Variants in BRD1 observed in about 807,000 individuals in gnomAD.
BRD1 encodes the protein bromodomain-containing protein 1.
Under a neutral mutation model 107.7 loss-of-function variants are expected in BRD1, and 24 were observed. The observed-to-expected ratio is 0.22, with a 90% CI of 0.16 to 0.31. BRD1 has a LOEUF of 0.31. BRD1 is among the 10% of genes least tolerant of loss of function. The probability of loss-of-function intolerance (pLI) is 1.00; values close to 1 mark genes in which losing one functional copy is unlikely to be tolerated. For synonymous variants in BRD1, 744 were observed against 686.1 expected (o/e 1.08, Z -1.32); for missense variants, 1,279 against 1,638.6 (o/e 0.78, Z 3.79).
At position 49,773,629 on chromosome 22, in the gene BRD1, AT is replaced by A. The variant is rs1569076558; in HGVS notation, c.*603del. The A allele has an allele frequency of 6.6e-6, 1 of 152,642 alleles. No homozygotes were observed. Among genetic ancestry groups the A allele is most frequent in the East Asian group, 1.9e-4 (1 of 5,202 alleles). The allele number at this position is 152,642 out of a possible 1,614,324, so 9.5% of individuals were successfully genotyped here. A position where few individuals can be genotyped will look rare whatever the true frequency, so the allele number is the denominator to read the frequency against. ...CATATCAATATACCTTTGCAAATGT[AT>A]TTTTCATTATAAAGCAAATGAATAC... On this transcript the variant is annotated 3_prime_UTR_variant, in exon 13 of 13. Coordinates refer to ENST00000404760, the MANE Select transcript of BRD1 (RefSeq NM_001304808.3).
chr22:49,809,313 A>G (rs2147254299), intron 2 of BRD1, among the ~76,000 whole-genome samples: 1 of 152,080 alleles, frequency 6.6e-6, no homozygotes, highest in South Asian at 2.1e-4. Context: ...AGGCCGAAGC[A>G]GGTGGATCAT....
intron 1 of BRD1, among the ~76,000 whole-genome samples, chr22:49,826,808 C>T (rs1220351804): frequency 1.3e-5 from 2 of 152,224 alleles, no homozygotes; most frequent in Non-Finnish European, 2.9e-5. Context: ...GACGGGGCCG[C>T]ACCCCGCGGG....
At chr22:49,804,078 G>T in intron 3 of BRD1, 126 bp downstream of exon 3, 1 of 777,856 alleles carries the variant, frequency 1.3e-6, no homozygotes, top group Admixed American at 3.7e-5. Context: ...TGGACGAGAC[G>T]GAGGCTTCCC....
At chr22:49,816,842 T>C (rs1277648465) in intron 2 of BRD1, among the ~76,000 whole-genome samples, 1 of 152,212 alleles carries the variant, frequency 6.6e-6, no homozygotes, top group Non-Finnish European at 1.5e-5. Flanking sequence ...CTGCAGGGAA[T>C]AGTAAACAGA....
intron 2 of BRD1, among the ~76,000 whole-genome samples, chr22:49,821,872 G>A (rs1259644408): frequency 6.6e-6 from 1 of 152,180 alleles, no homozygotes; most frequent in African/African-American, 2.4e-5. Flanking sequence ...TCAGCACCAG[G>A]CTGGCTCTAC....
chr22:49,813,149 C>T (rs573313153), intron 2 of BRD1, among the ~76,000 whole-genome samples: 1 of 152,270 alleles, frequency 6.6e-6, no homozygotes, highest in East Asian at 1.9e-4. Flanking sequence ...CCAGCACTTT[C>T]GGAGGCTGAT....
chr22:49,807,313 A>C (rs2059765266), intron 2 of BRD1: 2 of 152,236 alleles, frequency 1.3e-5, no homozygotes, highest in African/African-American at 4.8e-5. Flanking sequence ...GGAACACCCA[A>C]CAGCCAAATC....
intron 2 of BRD1, chr22:49,807,177 C>G (rs1601700488): frequency 6.6e-6 from 1 of 152,112 alleles, no homozygotes; most frequent in African/African-American, 2.4e-5. Flanking sequence ...ATAGGAAGAC[C>G]AATATTGTTA....
At chr22:49,822,912 T>C (rs2060096287) in intron 2 of BRD1, 39 bp downstream of exon 2, 2 of 1,602,756 alleles carry the variant, frequency 1.2e-6, no homozygotes, top group African/African-American at 2.7e-5. Flanking sequence ...GGTCCCACAC[T>C]GCAGGCTCCT....
intron 10 of BRD1, 101 bp from the exon 11 acceptor site, chr22:49,776,260 C>T (rs1490030259): frequency 2.0e-6 from 2 of 1,010,666 alleles, no homozygotes; most frequent in Non-Finnish European, 3.0e-6. Context: ...CCCCCGAGCA[C>T]AGCCCAGCTC....
rs529361568 is a variant in BRD1, at chr22:49,793,994, G to A, written c.2359+40C>T. On this transcript the variant is annotated intron_variant, in intron 7 of 12. Coordinates refer to ENST00000404760, the MANE Select transcript of BRD1 (RefSeq NM_001304808.3). ...CTGTGCCTGTGCCTGAGCCTGAGCC[G>A]TGACGGCAAGAAAGCGGGGCAGCCC... The A allele has an allele frequency of 6.4e-5, 101 of 1,584,686 alleles. No individual in the cohort carries two copies. The Admixed American group carries it at 1.3e-3, about 20-fold the overall frequency.
At chr22:49,816,195 C>A (rs1569133600) in intron 2 of BRD1, among the ~76,000 whole-genome samples, 1 of 152,152 alleles carries the variant, frequency 6.6e-6, no homozygotes, top group South Asian at 2.1e-4. Context: ...AAAACACAAG[C>A]CAAAGGGGGC....
intron 4 of BRD1, 59 bp downstream of exon 4, chr22:49,798,929 C>G: frequency 1.3e-6 from 2 of 1,536,066 alleles, no homozygotes; most frequent in Non-Finnish European, 1.7e-6. Flanking sequence ...GAGCTGCCAG[C>G]GTCCCACCCA....
chr22:49,823,606 T>C lies in BRD1; in HGVS notation c.712A>G (p.Asn238Asp). The C allele has an allele frequency of 6.2e-7, 1 of 1,609,338 alleles. No homozygotes were observed. The stretch of plus-strand genomic sequence containing the variant: ...TAGCACTCCTGGTGCACGGCCAGGT[T>C]GCACATGTCGCAGAAGAGGATCACG... ...SNVILFCDMC[N>D]LAVHQECYGV... is the part of the protein sequence containing the mutation. The change falls in exon 2 of 13, where the codon AAC becomes GAC. Residue 238 changes from asparagine to aspartate, a missense_variant. Asn to Asp is a conservative substitution (Grantham distance 23). Coordinates refer to ENST00000404760, the MANE Select transcript of BRD1 (RefSeq NM_001304808.3).
intron 9 of BRD1, 26 bp downstream of exon 9, chr22:49,777,652 G>T: frequency 6.3e-7 from 1 of 1,595,926 alleles, no homozygotes. Context: ...GCTGCGTGGT[G>T]GGAAGCGCAG....
At chr22:49,775,316 A>C (rs2059059527) in intron 12 of BRD1, 4 of 255,890 alleles carry the variant, frequency 1.6e-5, no homozygotes, top group Non-Finnish European at 2.2e-5. Flanking sequence ...GGAGTAGGGA[A>C]GAGACAGTCC....
chr22:49,826,405 T>C, intron 1 of BRD1: 1 of 277,686 alleles, frequency 3.6e-6, no homozygotes. Context: ...GCTTCACCGC[T>C]TCCCCCCTGG....
In BRD1 at chr22:49,803,710, C is replaced by T. The variant is rs1469753881; in HGVS notation, c.1524+494G>A. On this transcript the variant is annotated intron_variant, in intron 3 of 12. Coordinates refer to ENST00000404760, the MANE Select transcript of BRD1 (RefSeq NM_001304808.3). The surrounding 1 kb of genome is among the most constrained non-coding windows in gnomAD (Gnocchi z 4.4). Reference sequence around the variant, plus strand: ...GAGCCCTCCCCACCCCACCACAGTCCCAGCTAAACCAACCTTCAGAGCAAG... The same window carrying T: ...GAGCCCTCCCCACCCCACCACAGTCTCAGCTAAACCAACCTTCAGAGCAAG... 6.6e-6 allele frequency among the ~76,000 whole-genome samples: 1 copy of T among 152,174 alleles called. No homozygotes were observed. Among genetic ancestry groups the T allele is most frequent in the Admixed American group, 6.5e-5 (1 of 15,282 alleles).
intron 2 of BRD1, among the ~76,000 whole-genome samples, chr22:49,818,738 T>C (rs994927492): frequency 6.6e-6 from 1 of 150,462 alleles, no homozygotes; most frequent in African/African-American, 2.4e-5. Context: ...ATACAAAAAA[T>C]TAGCAGGTGT....
Sources: allele counts gnomAD v4.1 joint callset (sites outside exome capture counted in the v4.1 genomes callset), GRCh38; gene constraint gnomAD v4.1.1; non-coding constraint Gnocchi (gnomAD v3.1); transcripts MANE v1.5; gene names NCBI Gene and HGNC (gene_info 2026-07-23, HGNC 2026-07-21).